Variants in RTN3 observed in about 807,000 individuals in gnomAD.
RTN3 encodes reticulon 3.
A neutral mutation model predicts 77.8 loss-of-function variants in RTN3; 49 were observed. That is an observed-to-expected ratio of 0.63 (90% CI 0.50 to 0.80). The LOEUF (loss-of-function observed/expected upper bound fraction) is 0.80, where lower values mean the gene tolerates loss of function less well. Ranked by LOEUF, RTN3 falls within the 30% of genes least tolerant of loss-of-function variation. RTN3 has a pLI of 0.00. For synonymous variants in RTN3, 464 were observed against 446.9 expected, an observed-to-expected ratio of 1.04 and a Z score of -0.48; for missense variants, 1,236 against 1,211.9, an observed-to-expected ratio of 1.02 and a Z score of -0.29.
Position 63,718,553 on chromosome 11 carries a change from T to A in RTN3, c.200-149T>A, listed in dbSNP as rs116555691. 3.7e-3 allele frequency: 1,738 copies of A among 469,590 alleles called. 17 individuals are homozygous for A. Among genetic ancestry groups the A allele is most frequent in the African/African-American group, 0.031 (1,558 of 49,686 alleles). The allele number at this position is 469,590 out of a possible 1,614,324, so 29.1% of individuals were successfully genotyped here. On this transcript the variant is annotated intron_variant, in intron 2 of 8. Coordinates refer to ENST00000377819, the MANE Select transcript of RTN3 (RefSeq NM_001265589.2). The stretch of plus-strand genomic sequence containing the variant: ...CCTGTAGGATAACTTGATCGTTTTG[T>A]TACATATTTATGTGTGTATATATAC...
At chr11:63,709,914 G>C (rs1771594156) in intron 2 of RTN3, among the ~76,000 whole-genome samples, 2 of 152,140 alleles carry the variant, frequency 1.3e-5, no homozygotes, top group Admixed American at 1.3e-4. Flanking sequence ...TTAGTAAAAA[G>C]TAATGAATTT....
At chr11:63,693,582 A>G (rs1421009800) in intron 1 of RTN3, among the ~76,000 whole-genome samples, 1 of 152,236 alleles carries the variant, frequency 6.6e-6, no homozygotes, top group African/African-American at 2.4e-5. Context: ...TTTGAAAGTC[A>G]AATTGTAAAC....
chr11:63,745,463 C>G (rs141484452), intron 3 of RTN3, among the ~76,000 whole-genome samples: 93 of 152,310 alleles, frequency 6.1e-4, no homozygotes, highest in Non-Finnish European at 1.0e-3. Context: ...TGGTCAGTGT[C>G]TGAGGAAGTA....
chr11:63,695,524 C>T (rs956665670), intron 1 of RTN3, among the ~76,000 whole-genome samples: 1 of 152,166 alleles, frequency 6.6e-6, no homozygotes, highest in African/African-American at 2.4e-5. Flanking sequence ...CTTCCTCCAA[C>T]CAGGTGGAGA....
At chr11:63,723,255 A>C (rs752436435) in intron 3 of RTN3, among the ~76,000 whole-genome samples, 1 of 152,150 alleles carries the variant, frequency 6.6e-6, no homozygotes, top group Non-Finnish European at 1.5e-5. Flanking sequence ...CAAGAAGTTT[A>C]AAGGCCTTTC....
intron 1 of RTN3, among the ~76,000 whole-genome samples, chr11:63,690,158 G>T (rs1353712727): frequency 6.6e-6 from 1 of 152,132 alleles, no homozygotes; most frequent in African/African-American, 2.4e-5. Context: ...TGAGCTTTTT[G>T]ACCTGTTCCT....
At chr11:63,732,761 A>G (rs1475201769) in intron 3 of RTN3, among the ~76,000 whole-genome samples, 3 of 152,218 alleles carry the variant, frequency 2.0e-5, no homozygotes, top group Admixed American at 6.5e-5. Flanking sequence ...TTCGAAGCAT[A>G]TAAGGAAAAA....
chr11:63,735,450 G>A (rs904979441), intron 3 of RTN3, among the ~76,000 whole-genome samples: 1 of 152,122 alleles, frequency 6.6e-6, no homozygotes, highest in Non-Finnish European at 1.5e-5. Flanking sequence ...GGAGAGAGGT[G>A]CTATGTTCAT....
At chr11:63,703,679 AC>A (rs1278695673) in intron 1 of RTN3, among the ~76,000 whole-genome samples, 1 of 151,434 alleles carries the variant, frequency 6.6e-6, no homozygotes, top group Non-Finnish European at 1.5e-5. Context: ...AGTAGCTGGG[AC>A]TACAGGCGCC....
chr11:63,758,282 A>C lies in RTN3; in HGVS notation c.*81A>C, dbSNP rs1305961966. The C allele has an allele frequency of 6.2e-7, 1 of 1,613,636 alleles. No homozygotes were observed. The highest frequency in any genetic ancestry group is 1.3e-5 in the African/African-American group (1 of 75,048). ...GTCGTTACTTGTACTATGAAGGAAAATACTCAGTGTCAGCTTGAGCCTGCA... is the reference window on the plus strand; with the variant it reads ...GTCGTTACTTGTACTATGAAGGAAACTACTCAGTGTCAGCTTGAGCCTGCA... On this transcript the variant is annotated 3_prime_UTR_variant, in exon 9 of 9. Transcript: ENST00000377819.
intron 8 of RTN3, 57 bp downstream of exon 8, chr11:63,756,227 CT>C (rs1280906844): frequency 2.5e-6 from 3 of 1,176,978 alleles, no homozygotes; most frequent in Non-Finnish European, 3.8e-6. Flanking sequence ...CCCCAATTAT[CT>C]TTAGTCCCTT....
rs564184378 is a variant in RTN3, at chr11:63,755,219, T to C, written c.2995-893T>C. On this transcript the variant is annotated intron_variant, in intron 7 of 8. Transcript: ENST00000377819. The stretch of plus-strand genomic sequence containing the variant: ...AGTTTCTAGTCATTGGAAACTGTTA[T>C]ATACTCCAGTGTCTCTAAAGAAAAT... 8.5e-5 allele frequency among the ~76,000 whole-genome samples: 13 copies of C among 152,306 alleles called. No homozygotes were observed. The South Asian group carries it at 2.5e-3, about 29-fold the overall frequency.
intron 1 of RTN3, among the ~76,000 whole-genome samples, chr11:63,687,608 TA>T (rs35057519): frequency 0.015 from 2,074 of 134,300 alleles, 32 homozygotes; most frequent in African/African-American, 0.042. Context: ...AGACTCCATC[TA>T]AAAAAAAAAA....
chr11:63,686,242 A>T (rs1375931304), intron 1 of RTN3, among the ~76,000 whole-genome samples: 1 of 150,804 alleles, frequency 6.6e-6, no homozygotes, highest in African/African-American at 2.4e-5. Flanking sequence ...AGGCCGAGGC[A>T]GGCGGATCAC....
chr11:63,690,310 C>A (rs1031695298), intron 1 of RTN3, among the ~76,000 whole-genome samples: 11 of 152,182 alleles, frequency 7.2e-5, no homozygotes, highest in African/African-American at 2.7e-4. Context: ...ACTTGATTTT[C>A]ACGATATCTT....
chr11:63,747,507 T>C (rs1032565339), intron 3 of RTN3, among the ~76,000 whole-genome samples: 50 of 152,216 alleles, frequency 3.3e-4, no homozygotes, highest in Admixed American at 2.0e-3. Context: ...ACCTTCTCTT[T>C]CTCCTAGTAA....
rs2014545993 is a variant in RTN3, at chr11:63,759,266, AAT to A, written c.*1068_*1069del. Reference sequence around the variant, plus strand: ...GGGGCAAGTTTTTTTCTTCACCTTCAATATGAGAATTCAGCGAACTTGAAAGA... The same window carrying A: ...GGGGCAAGTTTTTTTCTTCACCTTCAATGAGAATTCAGCGAACTTGAAAGA... On this transcript the variant is annotated 3_prime_UTR_variant, in exon 9 of 9. Transcript: ENST00000377819. 6.6e-6 allele frequency: 1 copy of A among 152,200 alleles called. No individual in the cohort carries two copies. Among genetic ancestry groups the A allele is most frequent in the African/African-American group, 2.4e-5 (1 of 41,436 alleles). 9.4% of individuals were successfully genotyped at this position (152,200 alleles called of 1,614,324 possible). A position where few individuals can be genotyped will look rare whatever the true frequency, so the allele number is the denominator to read the frequency against.
intron 3 of RTN3, among the ~76,000 whole-genome samples, chr11:63,725,776 CTG>C (rs2012219434): frequency 6.6e-6 from 1 of 152,122 alleles, no homozygotes; most frequent in African/African-American, 2.4e-5. Flanking sequence ...TTATACTTGT[CTG>C]TTTTTACACA....
chr11:63,748,602 G>A (rs538525847), intron 3 of RTN3, among the ~76,000 whole-genome samples: 7 of 148,920 alleles, frequency 4.7e-5, no homozygotes, highest in South Asian at 2.1e-4. Flanking sequence ...CACCAGCCTC[G>A]GACTCCCAAA....
Sources: allele counts gnomAD v4.1 joint callset (sites outside exome capture counted in the v4.1 genomes callset), GRCh38; gene constraint gnomAD v4.1.1; transcripts MANE v1.5; gene names NCBI Gene and HGNC (gene_info 2026-07-23, HGNC 2026-07-21).